Variants in GALNTL6 observed in about 807,000 individuals in gnomAD.
The protein encoded by GALNTL6 is polypeptide N-acetylgalactosaminyltransferase like 6, also known as polypeptide N-acetylgalactosaminyltransferase-like 6.
In GALNTL6, 46 loss-of-function variants were observed where a neutral mutation model predicts 73.7. The observed-to-expected ratio is 0.62, with a 90% confidence interval of 0.49 to 0.80. GALNTL6 has a LOEUF of 0.80. Ranked by LOEUF, GALNTL6 falls within the 30% of genes least tolerant of loss-of-function variation. GALNTL6 has a pLI of 0.00. For synonymous variants in GALNTL6, 259 were observed against 263.7 expected, an observed-to-expected ratio of 0.98 and a Z score of 0.17; for missense variants, 604 against 755.0, an observed-to-expected ratio of 0.80 and a Z score of 2.34.
intron 5 of GALNTL6, among the ~76,000 whole-genome samples, chr4:172,704,984 T>C (rs1040090550): frequency 6.6e-6 from 1 of 152,006 alleles, no homozygotes; most frequent in Non-Finnish European, 1.5e-5. Context: ...ATATTTCATC[T>C]AACATGAAAG....
At chr4:172,066,534 ACT>A (rs1491496592) in intron 2 of GALNTL6, among the ~76,000 whole-genome samples, 36 of 109,108 alleles carry the variant, frequency 3.3e-4, no homozygotes, top group East Asian at 1.2e-3. Flanking sequence ...TCTGACCTGG[ACT>A]TTTTTTTTTT....
At chr4:172,494,032 A>G (rs1313880552) in intron 5 of GALNTL6, among the ~76,000 whole-genome samples, 1 of 152,126 alleles carries the variant, frequency 6.6e-6, no homozygotes, top group Non-Finnish European at 1.5e-5. Flanking sequence ...TTACCTGTAC[A>G]TACTTCTAGT....
chr4:172,657,676 C>T (rs1362764804), intron 5 of GALNTL6, among the ~76,000 whole-genome samples: 2 of 152,210 alleles, frequency 1.3e-5, no homozygotes, highest in East Asian at 1.9e-4. Context: ...TCTCACCTCA[C>T]TCAAAGACAT....
intron 2 of GALNTL6, among the ~76,000 whole-genome samples, chr4:171,843,469 G>A (rs1179922731): frequency 2.6e-5 from 4 of 151,654 alleles, no homozygotes; most frequent in African/African-American, 4.8e-5. Flanking sequence ...ACAGTAACTG[G>A]AGACAAATGC....
intron 10 of GALNTL6, among the ~76,000 whole-genome samples, chr4:173,001,146 A>G (rs1752025573): frequency 6.6e-6 from 1 of 152,126 alleles, no homozygotes; most frequent in African/African-American, 2.4e-5. Flanking sequence ...ACCACCAGAA[A>G]CTAGGAGAGA....
chr4:172,488,936 G>A (rs1008470263), intron 5 of GALNTL6, among the ~76,000 whole-genome samples: 72 of 152,198 alleles, frequency 4.7e-4, no homozygotes, highest in African/African-American at 1.7e-3. Flanking sequence ...AGCAACACTG[G>A]CATTTCTGAA....
intron 5 of GALNTL6, among the ~76,000 whole-genome samples, chr4:172,750,850 G>C (rs925641810): frequency 6.6e-6 from 1 of 151,634 alleles, no homozygotes; most frequent in African/African-American, 2.4e-5. Context: ...CTTTTGTTTA[G>C]AGTACTTCCT....
chr4:172,822,113 T>C (rs1314760683), intron 7 of GALNTL6, among the ~76,000 whole-genome samples: 1 of 152,218 alleles, frequency 6.6e-6, no homozygotes, highest in East Asian at 1.9e-4. Context: ...TATGACTTTC[T>C]CCTTCATTTA....
At chr4:172,997,814 A>C (rs934077690) in intron 10 of GALNTL6, among the ~76,000 whole-genome samples, 3 of 152,218 alleles carry the variant, frequency 2.0e-5, no homozygotes, top group African/African-American at 7.2e-5. Context: ...ACTATGCTTT[A>C]TATGCATGTA....
chr4:172,286,752 ACT>A (rs746429332), intron 3 of GALNTL6, among the ~76,000 whole-genome samples: 1 of 152,106 alleles, frequency 6.6e-6, no homozygotes, highest in East Asian at 1.9e-4. Flanking sequence ...CACTGAAGAG[ACT>A]CTGACAGTGG....
intron 2 of GALNTL6, among the ~76,000 whole-genome samples, chr4:172,133,900 G>A (rs1733567934): frequency 6.6e-6 from 1 of 152,192 alleles, no homozygotes. Context: ...ACTAGCAGAT[G>A]CAGATTTTTC....
At chr4:172,472,432 G>T (rs967743000) in intron 5 of GALNTL6, among the ~76,000 whole-genome samples, 6 of 152,064 alleles carry the variant, frequency 3.9e-5, no homozygotes, top group African/African-American at 1.2e-4. Flanking sequence ...AAATTTTTAT[G>T]GAAGAGGAAA....
chr4:172,907,816 G>GAAAA (rs1247014671), intron 8 of GALNTL6, among the ~76,000 whole-genome samples: 1 of 152,176 alleles, frequency 6.6e-6, no homozygotes, highest in Admixed American at 6.5e-5. Flanking sequence ...TTCATGGGTA[G>GAAAA]ATTTGTTCTT....
chr4:172,330,236 G>A (rs1244936033), intron 4 of GALNTL6, among the ~76,000 whole-genome samples: 2 of 152,210 alleles, frequency 1.3e-5, no homozygotes, highest in East Asian at 3.9e-4. Context: ...CTGTGCCTGA[G>A]CGGCCACTAA....
At chr4:172,646,712 C>G (rs997421645) in intron 5 of GALNTL6, among the ~76,000 whole-genome samples, 2 of 151,954 alleles carry the variant, frequency 1.3e-5, no homozygotes, top group Non-Finnish European at 1.5e-5. Context: ...ATCAGAACAA[C>G]TATTCTTTTG....
intron 10 of GALNTL6, among the ~76,000 whole-genome samples, chr4:172,992,055 C>T (rs1320245144): frequency 6.6e-6 from 1 of 152,160 alleles, no homozygotes; most frequent in South Asian, 2.1e-4. Context: ...AATTCCTAAA[C>T]CCTCTAAGCT....
At chr4:172,890,720 T>G (rs1451079994) in intron 8 of GALNTL6, among the ~76,000 whole-genome samples, 1 of 152,174 alleles carries the variant, frequency 6.6e-6, no homozygotes, top group Non-Finnish European at 1.5e-5. Context: ...GTTGGTCAAG[T>G]GTTGGATTTA....
chr4:172,329,778 C>T (rs772645344), intron 4 of GALNTL6, among the ~76,000 whole-genome samples: 19 of 152,230 alleles, frequency 1.2e-4, no homozygotes, highest in Non-Finnish European at 2.2e-4. Context: ...ATCTGTCCCC[C>T]TGGGAACTCC....
chr4:172,057,701 CAAAAAAAAAAAAA>C lies in GALNTL6; in HGVS notation c.139-171940_139-171928del, dbSNP rs57041409. On this transcript the variant is annotated intron_variant, in intron 2 of 12. Coordinates refer to ENST00000506823, the MANE Select transcript of GALNTL6 (RefSeq NM_001034845.3). ...AGCCTGGGTGACACAGACCCTGTCTCAAAAAAAAAAAAAAAAAAAAAAAAAAATATATATATAT... is the reference window on the plus strand; with the variant it reads ...AGCCTGGGTGACACAGACCCTGTCTCAAAAAAAAAAAAAATATATATATAT... Among the ~76,000 whole-genome samples, 39 of 63,122 alleles carry C rather than the reference CAAAAAAAAAAAAA, an allele frequency of 6.2e-4. 1 individual carries two copies. The highest frequency in any genetic ancestry group is 2.2e-3 in the African/African-American group (31 of 14,202). The allele number at this position is 63,122 out of a possible 152,430, so 41.4% of individuals were successfully genotyped here.
Sources: gnomAD v4.1 joint callset for allele counts (sites outside exome capture counted in the v4.1 genomes callset) on GRCh38, gnomAD v4.1.1 for gene constraint, MANE v1.5 for transcripts, NCBI Gene and HGNC (gene_info 2026-07-23, HGNC 2026-07-21) for gene names.